The following SFI1 variants were observed in gnomAD, a reference collection of about 807,000 sequenced individuals.
The protein encoded by SFI1 is protein SFI1 homolog.
Under a neutral mutation model 207.5 loss-of-function variants are expected in SFI1, and 195 were observed. The observed-to-expected ratio is 0.94, with a 90% CI of 0.84 to 1.06. SFI1 has a LOEUF of 1.06. Ranked by LOEUF, SFI1 falls within the 50% of genes least tolerant of loss-of-function variation. SFI1 has a pLI of 0.00. For missense variants in SFI1, 1,634 were observed against 1,588.0 expected, an observed-to-expected ratio of 1.03 and a Z score of -0.49; for synonymous variants, 630 against 598.9, an observed-to-expected ratio of 1.05 and a Z score of -0.76.
rs371615516 is a variant in SFI1, at chr22:31,575,354, A to G, written c.1046A>G (p.Lys349Arg). Residue 349 changes from lysine to arginine, a missense_variant, in exon 10 of 33, where the codon AAG becomes AGG. Lys to Arg is a conservative substitution (Grantham distance 26). Transcript: ENST00000400288. ...GCCCAGGTGGAGAAACTGGCCAGGA[A>G]GATGGCCCTGCGGCGCGCCTTTACT... ...HHAQVEKLAR[K>R]MALRRAFTHW... 4.3e-6 allele frequency: 7 copies of G among 1,612,416 alleles called. No homozygotes were observed. The highest frequency in any genetic ancestry group is 2.2e-5 in the East Asian group (1 of 44,818).
rs1235119938 is a variant in SFI1, at chr22:31,556,936, A to G, written c.545-6A>G. 8.2e-6 allele frequency: 13 copies of G among 1,592,220 alleles called. No homozygotes were observed. The South Asian group carries it at 1.4e-4, about 17-fold the overall frequency. ...GCCTTTTGAAAAATCTCTTTGGTGA[A>G]TCTAGATGCAAAGCAAAAGATGCGA... On this transcript the variant is annotated splice_polypyrimidine_tract_variant and splice_region_variant and intron_variant, in intron 6 of 32. Coordinates refer to ENST00000400288, the MANE Select transcript of SFI1 (RefSeq NM_001007467.3).
intron 24 of SFI1, 31 bp from the exon 25 acceptor site, chr22:31,613,111 T>C: frequency 1.2e-6 from 2 of 1,609,818 alleles, no homozygotes; most frequent in African/African-American, 2.7e-5. Flanking sequence ...GAAGGGGCTA[T>C]AGGGAAATGA....
Position 31,598,264 on chromosome 22 carries a change from C to T in SFI1, c.1545-3948C>T, listed in dbSNP as rs1025374836. ...CCTCCCAAAATGCTGGGATTACAGG[C>T]GTGAGCCACCATGCCCGGCCGAGTT... On this transcript the variant is annotated intron_variant, in intron 15 of 32. Transcript: ENST00000400288. Among the ~76,000 whole-genome samples the T allele has an allele frequency of 4.6e-5, 7 of 151,628 alleles. 1 individual carries two copies. Among genetic ancestry groups the T allele is most frequent in the Non-Finnish European group, 7.4e-5 (5 of 67,926 alleles).
At chr22:31,515,077 GTA>G (rs1413496143) in intron 2 of SFI1, among the ~76,000 whole-genome samples, 10 of 151,598 alleles carry the variant, frequency 6.6e-5, no homozygotes, top group Non-Finnish European at 1.3e-4. Flanking sequence ...CTAACCATCT[GTA>G]TTTCTAGTAA....
At chr22:31,529,831 G>A (rs554201659) in intron 3 of SFI1, among the ~76,000 whole-genome samples, 5 of 152,218 alleles carry the variant, frequency 3.3e-5, no homozygotes, top group African/African-American at 9.6e-5. Flanking sequence ...ATAAAGGGCA[G>A]GAGAAGGTGT....
At chr22:31,586,845 A>G (rs1369436330) in intron 14 of SFI1, among the ~76,000 whole-genome samples, 1 of 152,216 alleles carries the variant, frequency 6.6e-6, no homozygotes, top group Non-Finnish European at 1.5e-5. Context: ...ACACTGATCT[A>G]GCACGGCCTG....
intron 14 of SFI1, 141 bp from the exon 15 acceptor site, chr22:31,589,306 G>T: frequency 2.2e-6 from 2 of 899,950 alleles, no homozygotes; most frequent in South Asian, 2.5e-5. Context: ...CTAGCATATT[G>T]GCAAAGATAA....
chr22:31,617,681 A>T (rs1032452847), intron 31 of SFI1, among the ~76,000 whole-genome samples: 1 of 151,464 alleles, frequency 6.6e-6, no homozygotes, highest in Non-Finnish European at 1.5e-5. Flanking sequence ...AGATCACGCC[A>T]TTGCACTCCA....
chr22:31,542,036 G>A lies in SFI1; in HGVS notation c.339-4825G>A, dbSNP rs1367507736. ...GACTGGCGTGAACCTGGGAGGCGGA[G>A]CTTGCAGTGAGCCGAGATCACACCA... On this transcript the variant is annotated intron_variant, in intron 4 of 32. Coordinates refer to ENST00000400288, the MANE Select transcript of SFI1 (RefSeq NM_001007467.3). Among the ~76,000 whole-genome samples, 7 of 147,242 alleles carry A rather than the reference G, an allele frequency of 4.8e-5. 1 individual carries two copies. The Admixed American group carries it at 4.8e-4, about 10-fold the overall frequency.
At chr22:31,500,291 A>G (rs1416131832) in intron 1 of SFI1, among the ~76,000 whole-genome samples, 5 of 151,662 alleles carry the variant, frequency 3.3e-5, no homozygotes, top group East Asian at 3.9e-4. Flanking sequence ...AAAAAAAAAA[A>G]AAAAAGAAAA....
rs1396283744 is a variant in SFI1 at position 31,549,288 on chromosome 22, T to TTAAAAA, written c.450-966_450-965insTAAAAA. On this transcript the variant is annotated intron_variant, in intron 5 of 32. Transcript: ENST00000400288. ...CTAGGTGACAGAGTGAGACCCTGTG[T>TTAAAAA]AAAAAAAAAAAAAAAAAAAAAAAAA... Among the ~76,000 whole-genome samples, 10 of 37,222 alleles carry TTAAAAA rather than the reference T, an allele frequency of 2.7e-4. No individual in the cohort carries two copies. In the East Asian group the frequency reaches 4.9e-3, roughly 18 times the overall value. 24.4% of individuals were successfully genotyped at this position (37,222 alleles called of 152,430 possible).
intron 4 of SFI1, among the ~76,000 whole-genome samples, chr22:31,542,975 C>CTTTT (rs377269654): frequency 8.0e-6 from 1 of 124,840 alleles, no homozygotes. Context: ...TTTTTTTTTT[C>CTTTT]TTTTTTTTTT....
At position 31,550,295 on chromosome 22, in the gene SFI1, A is replaced by G. The variant is rs762447200; in HGVS notation, c.491A>G (p.Tyr164Cys). The change falls in exon 6 of 33, where the codon TAT (tyrosine) becomes TGT (cysteine). Residue 164 changes from tyrosine (Y) to cysteine (C), a missense_variant. Tyr to Cys is a radical substitution (Grantham distance 194, BLOSUM62 -2). Coordinates refer to ENST00000400288, the MANE Select transcript of SFI1 (RefSeq NM_001007467.3). ...CTGATGTTCCAGACGTGGAAGACCT[A>G]TGTGCGTCAGCAGCAGGAGATGAGG... ...YNLMFQTWKT[Y>C]VRQQQEMRNK... 2.5e-6 allele frequency: 4 copies of G among 1,614,120 alleles called. No homozygotes were observed. Among genetic ancestry groups the G allele is most frequent in the Admixed American group, 1.7e-5 (1 of 60,008 alleles).
chr22:31,504,036 A>G (rs751378472), intron 1 of SFI1, among the ~76,000 whole-genome samples: 2 of 152,120 alleles, frequency 1.3e-5, no homozygotes, highest in Non-Finnish European at 2.9e-5. Context: ...ACGTTGTTTT[A>G]GAGGCTGGAG....
Position 31,604,947 on chromosome 22 carries a change from T to G in SFI1, c.2054+2T>G. ...CCAGCACAACAGGCAGCTGCTGCGGTGAGTCTCCCGGGCGCCTCCCAAGCT... is the reference window on the plus strand; with the variant it reads ...CCAGCACAACAGGCAGCTGCTGCGGGGAGTCTCCCGGGCGCCTCCCAAGCT... On this transcript the variant is annotated splice_donor_variant, in intron 20 of 32. Transcript: ENST00000400288. LOFTEE classifies it high-confidence loss of function. The G allele has an allele frequency of 1.2e-6, 2 of 1,602,676 alleles. No individual in the cohort carries two copies. Among genetic ancestry groups the G allele is most frequent in the East Asian group, 4.5e-5 (2 of 43,992 alleles).
intron 31 of SFI1, 116 bp downstream of exon 31, chr22:31,617,194 G>C (rs1201763336): frequency 2.7e-6 from 3 of 1,102,734 alleles, no homozygotes; most frequent in Middle Eastern, 2.9e-4. Flanking sequence ...AGGTGGTCTC[G>C]GTCTAGCCAT....
At chr22:31,528,568 G>A (rs2058159109) in intron 2 of SFI1, 122 bp from the exon 3 acceptor site, 3 of 864,304 alleles carry the variant, frequency 3.5e-6, no homozygotes, top group Non-Finnish European at 5.4e-6. Context: ...TATCCTTGCA[G>A]CATAGGTATT....
rs1603378579 is a variant in SFI1, at chr22:31,617,049, G to A, written c.3483G>A (p.Leu1161=). 39 of 1,614,016 alleles carry A rather than the reference G, an allele frequency of 2.4e-5. No homozygotes were observed. Among genetic ancestry groups the A allele is most frequent in the Non-Finnish European group, 3.2e-5 (38 of 1,180,010 alleles). Residue 1161 remains leucine (L), a synonymous_variant, in exon 31 of 33, where the codon CTG becomes CTA. Coordinates refer to ENST00000400288, the MANE Select transcript of SFI1 (RefSeq NM_001007467.3). ...AELEEIQQQL[L]HYQTTKQNLW... is the part of the protein sequence containing the mutation. ...TTGAGGAGATCCAGCAGCAACTACT[G>A]CACTACCAGACCACCAAGCAGAACC...
At chr22:31,531,999 G>T (rs2058576700) in intron 4 of SFI1, among the ~76,000 whole-genome samples, 1 of 152,054 alleles carries the variant, frequency 6.6e-6, no homozygotes, top group Admixed American at 6.6e-5. Flanking sequence ...AGGCATAGGT[G>T]GTGGTGAGCC....
Sources: gnomAD v4.1 joint callset for allele counts (sites outside exome capture counted in the v4.1 genomes callset) on GRCh38, gnomAD v4.1.1 for gene constraint, MANE v1.5 for transcripts, NCBI Gene and HGNC (gene_info 2026-07-23, HGNC 2026-07-21) for gene names.